Variants in PPP2R3A observed in about 807,000 individuals in gnomAD.
The protein encoded by PPP2R3A is serine/threonine-protein phosphatase 2A regulatory subunit B'' subunit alpha.
Under a neutral mutation model 106.9 loss-of-function variants are expected in PPP2R3A, and 80 were observed. The ratio of observed to expected loss-of-function variants is 0.75; its 90% CI spans 0.62 to 0.90. The LOEUF (loss-of-function observed/expected upper bound fraction) is 0.90. PPP2R3A is among the 40% of genes least tolerant of loss of function. PPP2R3A has a pLI of 0.00. For synonymous variants in PPP2R3A, 483 were observed against 468.3 expected (o/e 1.03, Z -0.41); for missense variants, 1,386 against 1,350.4 (o/e 1.03, Z -0.41).
At chr3:136,127,265 A>G (rs966085429) in intron 13 of PPP2R3A, among the ~76,000 whole-genome samples, 1 of 152,180 alleles carries the variant, frequency 6.6e-6, no homozygotes, top group African/African-American at 2.4e-5. Context: ...GCTAAAAACC[A>G]TGGAAAAAGA....
Position 135,972,240 on chromosome 3 carries a change from G to T in PPP2R3A, c.-441+6391G>T, listed in dbSNP as rs182878330. Among the ~76,000 whole-genome samples the T allele has an allele frequency of 7.1e-4, 108 of 152,254 alleles. 1 individual carries two copies. The highest frequency in any genetic ancestry group is 2.0e-4 in the Admixed American group (3 of 15,296). ...AATCATACAATATGTAACCTTTTGT[G>T]CCTGGCTTCTTTCATTCAGCACAAT... On this transcript the variant is annotated intron_variant, in intron 1 of 13. Coordinates refer to ENST00000264977, the MANE Select transcript of PPP2R3A (RefSeq NM_002718.5).
At chr3:136,030,235 G>A (rs115824364) in intron 3 of PPP2R3A, among the ~76,000 whole-genome samples, 55,246 of 151,026 alleles carry the variant, frequency 0.37, 11,623 homozygotes, top group African/African-American at 0.59. Context: ...AGTTGGGGCG[G>A]GGGGGATGTG....
chr3:136,106,019 T>G (rs1226232205), intron 12 of PPP2R3A, among the ~76,000 whole-genome samples, 197 bp from the exon 13 acceptor site: 1 of 152,182 alleles, frequency 6.6e-6, no homozygotes, highest in Non-Finnish European at 1.5e-5. Context: ...ACCTGGCTGC[T>G]AAACAGTTAT....
intron 13 of PPP2R3A, among the ~76,000 whole-genome samples, chr3:136,139,125 T>C (rs1445052040): frequency 6.6e-6 from 1 of 152,188 alleles, no homozygotes; most frequent in Non-Finnish European, 1.5e-5. Flanking sequence ...GTCAGAATCC[T>C]GGAAACTGGA....
rs556838351 is a variant in PPP2R3A, at chr3:136,000,281, A to G, written c.-440-778A>G. Among the ~76,000 whole-genome samples the G allele has an allele frequency of 2.6e-5, 4 of 152,282 alleles. No individual in the cohort carries two copies. In the East Asian group the frequency reaches 7.7e-4, roughly 29 times the overall value. The stretch of plus-strand genomic sequence containing the variant: ...TTGTTTTATTTCCTGCTCTATCCCT[A>G]GTGTATACAAAGAACCTGGTACACA... On this transcript the variant is annotated intron_variant, in intron 1 of 13. Coordinates refer to ENST00000264977, the MANE Select transcript of PPP2R3A (RefSeq NM_002718.5).
At chr3:136,089,631 T>C (rs749861983) in intron 9 of PPP2R3A, among the ~76,000 whole-genome samples, 1 of 150,578 alleles carries the variant, frequency 6.6e-6, no homozygotes, top group Non-Finnish European at 1.5e-5. Flanking sequence ...AAAAAAAAAC[T>C]AGTCTGTGAA....
chr3:136,099,897 T>C (rs950965951), intron 10 of PPP2R3A, among the ~76,000 whole-genome samples: 1 of 150,138 alleles, frequency 6.7e-6, no homozygotes, highest in African/African-American at 2.5e-5. Flanking sequence ...CTGGGCTATG[T>C]AGATCTCAAT....
At chr3:136,098,118 C>T (rs1249697000) in intron 10 of PPP2R3A, among the ~76,000 whole-genome samples, 1 of 152,176 alleles carries the variant, frequency 6.6e-6, no homozygotes, top group Non-Finnish European at 1.5e-5. Context: ...ACTTTGCCCA[C>T]TCTGGGCAAC....
At chr3:136,054,059 C>T (rs1487373706) in intron 5 of PPP2R3A, among the ~76,000 whole-genome samples, 3 of 151,962 alleles carry the variant, frequency 2.0e-5, no homozygotes, top group Non-Finnish European at 2.9e-5. Context: ...GGGAAATAAA[C>T]GTGGTGTTTT....
intron 1 of PPP2R3A, among the ~76,000 whole-genome samples, chr3:135,984,531 G>C (rs184570894): frequency 6.6e-6 from 1 of 152,176 alleles, no homozygotes; most frequent in Admixed American, 6.5e-5. Flanking sequence ...GGACCTGCTG[G>C]GAGGTAATTG....
chr3:136,042,623 C>T (rs767727895), intron 4 of PPP2R3A, among the ~76,000 whole-genome samples: 7 of 152,058 alleles, frequency 4.6e-5, no homozygotes, highest in East Asian at 1.9e-4. Context: ...CTGCAAAACG[C>T]AAAAAGCGGG....
chr3:136,124,190 GTGAAAATATAT>G lies in PPP2R3A; in HGVS notation c.3329+17869_3329+17879del, dbSNP rs527675749. 2.0e-4 allele frequency among the ~76,000 whole-genome samples: 30 copies of G among 152,250 alleles called. No homozygotes were observed. In the South Asian group the frequency reaches 3.9e-3, roughly 20 times the overall value. On this transcript the variant is annotated intron_variant, in intron 13 of 13. Transcript: ENST00000264977. ...ATCTTTAAATGAATGAAAAGAACAT[GTGAAAATATAT>G]GGGATGGACTGGGCACAGTGGCTCA...
chr3:136,022,955 T>G, intron 2 of PPP2R3A: 1 of 1,530,632 alleles, frequency 6.5e-7, no homozygotes. Flanking sequence ...TTTCATTTCT[T>G]TGGGAGATAA....
In PPP2R3A at chr3:136,001,494, A is replaced by G. The variant is rs754733246; in HGVS notation, c.-5A>G. 6.2e-7 allele frequency: 1 copy of G among 1,607,764 alleles called. No individual in the cohort carries two copies. The stretch of plus-strand genomic sequence containing the variant: ...CAAGTCCCACCAGTAAGTGGATTTG[A>G]TATTATGGCAGCAACTTACAGACTT... On this transcript the variant is annotated 5_prime_UTR_variant, in exon 2 of 14. Coordinates refer to ENST00000264977, the MANE Select transcript of PPP2R3A (RefSeq NM_002718.5).
intron 10 of PPP2R3A, among the ~76,000 whole-genome samples, chr3:136,095,782 C>T (rs904735736): frequency 3.3e-5 from 5 of 151,922 alleles, no homozygotes; most frequent in Non-Finnish European, 5.9e-5. Context: ...TACTAGGTAC[C>T]CTGCATGTTA....
intron 5 of PPP2R3A, among the ~76,000 whole-genome samples, chr3:136,058,285 A>G (rs1163306864): frequency 6.6e-6 from 1 of 152,222 alleles, no homozygotes; most frequent in African/African-American, 2.4e-5. Flanking sequence ...GTCTCAGCCC[A>G]AAAGCTTCTT....
At chr3:136,086,518 C>T (rs1459075866) in intron 8 of PPP2R3A, among the ~76,000 whole-genome samples, 1 of 152,118 alleles carries the variant, frequency 6.6e-6, no homozygotes, top group African/African-American at 2.4e-5. Context: ...CAGACTGTCC[C>T]TAATGAGACA....
intron 2 of PPP2R3A, among the ~76,000 whole-genome samples, chr3:136,011,306 T>C (rs1213064949): frequency 2.0e-5 from 3 of 152,148 alleles, no homozygotes; most frequent in African/African-American, 4.8e-5. Context: ...ACCACTAGAA[T>C]GAAACCTCTA....
intron 5 of PPP2R3A, among the ~76,000 whole-genome samples, chr3:136,050,023 A>C (rs1935627786): frequency 6.6e-6 from 1 of 152,194 alleles, no homozygotes; most frequent in Non-Finnish European, 1.5e-5. Flanking sequence ...AAAGACCCAG[A>C]AGCTCTAAAT....
Sources: allele counts gnomAD v4.1 joint callset (sites outside exome capture counted in the v4.1 genomes callset), GRCh38; gene constraint gnomAD v4.1.1; transcripts MANE v1.5; gene names NCBI Gene and HGNC (gene_info 2026-07-23, HGNC 2026-07-21).